PLCB1: variants seen among roughly 807,000 people sequenced by gnomAD.
PLCB1 encodes the protein 1-phosphatidylinositol 4,5-bisphosphate phosphodiesterase beta-1.
PLCB1 carries 46 observed loss-of-function variants against 161.8 expected under a neutral mutation model. That is an observed-to-expected ratio of 0.28 (90% CI 0.22 to 0.36). PLCB1 has a LOEUF of 0.36. Among genes scored for constraint, PLCB1 ranks in the 10% least tolerant of loss-of-function variants. The pLI is 1.00. For missense variants in PLCB1, 1,016 were observed against 1,472.5 expected (o/e 0.69, Z 5.07); for synonymous variants, 517 against 503.7 (o/e 1.03, Z -0.35).
intron 3 of PLCB1, among the ~76,000 whole-genome samples, chr20:8,401,237 T>C (rs887410531): frequency 1.3e-5 from 2 of 152,214 alleles, no homozygotes; most frequent in Non-Finnish European, 2.9e-5. Flanking sequence ...TTTCGTAAGA[T>C]ATTTTGATAT....
intron 1 of PLCB1, among the ~76,000 whole-genome samples, chr20:8,136,603 G>A (rs1012784362): frequency 2.0e-5 from 3 of 149,922 alleles, no homozygotes; most frequent in African/African-American, 7.5e-5. Context: ...TCCAGCCTGG[G>A]CGACAGAGCA....
intron 2 of PLCB1, among the ~76,000 whole-genome samples, chr20:8,215,714 G>T (rs1979085648): frequency 6.6e-6 from 1 of 152,058 alleles, no homozygotes; most frequent in South Asian, 2.1e-4. Flanking sequence ...TGGTTATACA[G>T]ACCAAGTGTT....
At chr20:8,765,396 T>G in intron 26 of PLCB1, 38 bp downstream of exon 26, 1 of 1,429,384 alleles carries the variant, frequency 7.0e-7, no homozygotes, top group East Asian at 2.3e-5. Flanking sequence ...TTTCATAGCA[T>G]GAAGAGTTGT....
intron 2 of PLCB1, among the ~76,000 whole-genome samples, chr20:8,312,648 A>G (rs1169136239): frequency 6.6e-6 from 1 of 152,190 alleles, no homozygotes; most frequent in Non-Finnish European, 1.5e-5. Flanking sequence ...GGGAAAAAAC[A>G]AGGCAAAGCA....
intron 31 of PLCB1, chr20:8,831,155 A>AAGGT (rs1309102460): frequency 6.6e-6 from 1 of 152,376 alleles, no homozygotes; most frequent in African/African-American, 2.4e-5. Context: ...CATCAGTATG[A>AAGGT]AGGTCAAGTC....
At chr20:8,256,180 G>A (rs1488908273) in intron 2 of PLCB1, among the ~76,000 whole-genome samples, 1 of 152,106 alleles carries the variant, frequency 6.6e-6, no homozygotes, top group African/African-American at 2.4e-5. Context: ...CTGTAATAGA[G>A]ACTGTATCTG....
chr20:8,238,866 T>TGG (rs537407686), intron 2 of PLCB1, among the ~76,000 whole-genome samples: 7 of 150,088 alleles, frequency 4.7e-5, no homozygotes, highest in South Asian at 4.3e-4. Flanking sequence ...AATGGGTGGC[T>TGG]GGGGGGAAGA....
Position 8,276,971 on chromosome 20 carries a change from CTTCTTCTTCTTCTTCTTA to C in PLCB1, c.178-94408_178-94391del, listed in dbSNP as rs1479682063. On this transcript the variant is annotated intron_variant, in intron 2 of 31. Coordinates refer to ENST00000338037, the MANE Select transcript of PLCB1 (RefSeq NM_015192.4). ...TCTTCTTCTTCTTCTTCTTCTTCTT[CTTCTTCTTCTTCTTCTTA>C]TTATTATTATTATTATTATTATTAT... Among the ~76,000 whole-genome samples the C allele has an allele frequency of 5.5e-3, 596 of 108,088 alleles. 2 individuals are homozygous for C. Among genetic ancestry groups the C allele is most frequent in the Middle Eastern group, 9.2e-3 (2 of 218 alleles). 70.9% of individuals were successfully genotyped at this position (108,088 alleles called of 152,430 possible).
rs1989776699 is a variant in PLCB1, at chr20:8,665,069, T to C, written c.862+6365T>C. Among the ~76,000 whole-genome samples the C allele has an allele frequency of 3.3e-5, 5 of 152,166 alleles. No homozygotes were observed. The South Asian group carries it at 1.0e-3, about 31-fold the overall frequency. On this transcript the variant is annotated intron_variant, in intron 9 of 31. Coordinates refer to ENST00000338037, the MANE Select transcript of PLCB1 (RefSeq NM_015192.4). ...ACACGGACCGACAATTGGAGAGAGATGGTTCCCTAAAATTCAACCAGGATG... is the reference window on the plus strand; with the variant it reads ...ACACGGACCGACAATTGGAGAGAGACGGTTCCCTAAAATTCAACCAGGATG...
intron 2 of PLCB1, among the ~76,000 whole-genome samples, chr20:8,367,286 G>A (rs1398372074): frequency 6.6e-6 from 1 of 152,200 alleles, no homozygotes; most frequent in Non-Finnish European, 1.5e-5. Context: ...AACAACATGA[G>A]TGAGTATATA....
At chr20:8,700,014 C>T (rs999120386) in intron 11 of PLCB1, among the ~76,000 whole-genome samples, 1 of 152,186 alleles carries the variant, frequency 6.6e-6, no homozygotes, top group African/African-American at 2.4e-5. Flanking sequence ...CCTCTCAGAC[C>T]TTGCTATGGT....
chr20:8,791,095 T>C (rs957362163), intron 31 of PLCB1, among the ~76,000 whole-genome samples: 2 of 152,178 alleles, frequency 1.3e-5, no homozygotes, highest in African/African-American at 4.8e-5. Flanking sequence ...TTACTTCTTA[T>C]AGATTTCTTA....
intron 3 of PLCB1, among the ~76,000 whole-genome samples, chr20:8,409,121 G>A (rs1978921283): frequency 6.6e-6 from 1 of 152,150 alleles, no homozygotes; most frequent in Non-Finnish European, 1.5e-5. Flanking sequence ...AACTAAATTA[G>A]CTGAAGATGC....
At chr20:8,439,823 C>A (rs975905681) in intron 3 of PLCB1, among the ~76,000 whole-genome samples, 3 of 151,612 alleles carry the variant, frequency 2.0e-5, no homozygotes, top group African/African-American at 7.3e-5. Context: ...ATAGAAAATG[C>A]CTTGTACCGT....
At chr20:8,502,231 T>C (rs934598716) in intron 3 of PLCB1, among the ~76,000 whole-genome samples, 1 of 152,080 alleles carries the variant, frequency 6.6e-6, no homozygotes, top group African/African-American at 2.4e-5. Flanking sequence ...ATTAAAAATA[T>C]ATATTCTTAA....
At chr20:8,388,559 C>G (rs1316716518) in intron 3 of PLCB1, among the ~76,000 whole-genome samples, 1 of 152,074 alleles carries the variant, frequency 6.6e-6, no homozygotes, top group Non-Finnish European at 1.5e-5. Flanking sequence ...CTCCTTTTTT[C>G]TCCTGATTGC....
intron 23 of PLCB1, among the ~76,000 whole-genome samples, chr20:8,742,560 A>AT (rs1980939367): frequency 6.6e-6 from 1 of 152,202 alleles, no homozygotes; most frequent in South Asian, 2.1e-4. Flanking sequence ...CCGCTCAGAG[A>AT]TAGCCACATT....
At chr20:8,564,358 G>A (rs900551555) in intron 3 of PLCB1, among the ~76,000 whole-genome samples, 2 of 152,120 alleles carry the variant, frequency 1.3e-5, no homozygotes, top group African/African-American at 2.4e-5. Flanking sequence ...AGACTTAAAT[G>A]TAAGCTCTAA....
chr20:8,337,883 G>C (rs1486258087), intron 2 of PLCB1, among the ~76,000 whole-genome samples: 1 of 152,150 alleles, frequency 6.6e-6, no homozygotes, highest in Non-Finnish European at 1.5e-5. Context: ...GAAAAGGATT[G>C]ATTAAATGAG....
Sources: gnomAD v4.1 joint callset for allele counts (sites outside exome capture counted in the v4.1 genomes callset) on GRCh38, gnomAD v4.1.1 for gene constraint, MANE v1.5 for transcripts, NCBI Gene and HGNC (gene_info 2026-07-23, HGNC 2026-07-21) for gene names.